RALGPS2: variants seen among roughly 807,000 people sequenced by gnomAD.
RALGPS2 encodes the protein Ral GEF with PH domain and SH3 binding motif 2.
In RALGPS2, 43 loss-of-function variants were observed where a neutral mutation model predicts 86.8. The observed-to-expected ratio is 0.50, with a 90% CI of 0.39 to 0.64. The LOEUF (loss-of-function observed/expected upper bound fraction) is 0.64, where lower values mean the gene tolerates loss of function less well. RALGPS2 is among the 30% of genes least tolerant of loss of function. The pLI, the probability that RALGPS2 is intolerant of heterozygous loss-of-function variation, is 0.00. For synonymous variants in RALGPS2, 243 were observed against 231.3 expected, an observed-to-expected ratio of 1.05 and a Z score of -0.46; for missense variants, 536 against 694.6, an observed-to-expected ratio of 0.77 and a Z score of 2.57.
rs191602367 is a variant in RALGPS2, at chr1:178,907,866, G to T, written c.1722+999G>T. Among the ~76,000 whole-genome samples, 1,302 of 152,278 alleles carry T rather than the reference G, an allele frequency of 8.6e-3. 17 individuals are homozygous for T. Among genetic ancestry groups the T allele is most frequent in the African/African-American group, 0.029 (1,205 of 41,542 alleles). The stretch of plus-strand genomic sequence containing the variant: ...AAACTAAGGCTCCATAATACAAAAT[G>T]ACCTACACAGGTCACACAAGTAAAA... On this transcript the variant is annotated intron_variant, in intron 19 of 19. Coordinates refer to ENST00000367635, the MANE Select transcript of RALGPS2 (RefSeq NM_152663.5).
intron 1 of RALGPS2, among the ~76,000 whole-genome samples, chr1:178,728,974 G>C (rs1413635239): frequency 2.0e-5 from 3 of 152,210 alleles, no homozygotes; most frequent in Non-Finnish European, 4.4e-5. Flanking sequence ...TATACATACA[G>C]TTATATGGAT....
At chr1:178,885,433 G>A in intron 12 of RALGPS2, 1 of 479,252 alleles carries the variant, frequency 2.1e-6, no homozygotes. Context: ...TTATATTTGG[G>A]GACGATAAAT....
At chr1:178,729,693 T>C (rs1650227222) in intron 1 of RALGPS2, among the ~76,000 whole-genome samples, 1 of 152,226 alleles carries the variant, frequency 6.6e-6, no homozygotes, top group African/African-American at 2.4e-5. Flanking sequence ...GGATTTGGGA[T>C]GCCCAACTGG....
intron 4 of RALGPS2, among the ~76,000 whole-genome samples, chr1:178,797,152 G>GAGATATTTT (rs1654231740): frequency 1.3e-5 from 2 of 152,122 alleles, no homozygotes; most frequent in African/African-American, 4.8e-5. Flanking sequence ...ATGTTCATAT[G>GAGATATTTT]AGATATTTTA....
At chr1:178,845,507 T>TAA (rs1419918317) in intron 8 of RALGPS2, among the ~76,000 whole-genome samples, 2 of 152,216 alleles carry the variant, frequency 1.3e-5, no homozygotes, top group Non-Finnish European at 2.9e-5. Context: ...TTTAAGGGTT[T>TAA]ATCCTTACAG....
At chr1:178,853,755 C>G (rs567965738) in intron 8 of RALGPS2, 1 of 1,601,402 alleles carries the variant, frequency 6.2e-7, no homozygotes, top group Non-Finnish European at 8.5e-7. Flanking sequence ...GAATGCCCAG[C>G]TTCTTTTGCT....
intron 17 of RALGPS2, among the ~76,000 whole-genome samples, chr1:178,900,288 TA>T (rs1437610756): frequency 1.3e-5 from 2 of 151,970 alleles, no homozygotes; most frequent in African/African-American, 4.8e-5. Flanking sequence ...ATAAAGTATA[TA>T]TTTTTTTGCC....
chr1:178,921,379 C>T lies in RALGPS2; in HGVS notation c.*5020C>T, dbSNP rs950475781. ...AGATATGACCTACTAGAACTACTCA[C>T]ATATATAGTCCAATAATTACTGACT... is the stretch of plus-strand genomic sequence containing the variant. On this transcript the variant is annotated 3_prime_UTR_variant, in exon 20 of 20. Transcript: ENST00000367635. The T allele has an allele frequency of 2.0e-5, 3 of 151,948 alleles. No homozygotes were observed. Among genetic ancestry groups the T allele is most frequent in the Admixed American group, 1.3e-4 (2 of 15,238 alleles). The allele number at this position is 151,948 out of a possible 1,614,324, so 9.4% of individuals were successfully genotyped here. A position where few individuals can be genotyped will look rare whatever the true frequency, so the allele number is the denominator to read the frequency against.
intron 8 of RALGPS2, among the ~76,000 whole-genome samples, chr1:178,857,754 T>G (rs1019416542): frequency 1.3e-5 from 2 of 152,198 alleles, no homozygotes; most frequent in Admixed American, 6.5e-5. Flanking sequence ...ACAGTTTACA[T>G]TTAAGTATAT....
At chr1:178,759,920 T>G (rs1652151766) in intron 1 of RALGPS2, among the ~76,000 whole-genome samples, 1 of 152,210 alleles carries the variant, frequency 6.6e-6, no homozygotes, top group African/African-American at 2.4e-5. Context: ...GCTACTGATT[T>G]TTGTATGTTC....
intron 1 of RALGPS2, among the ~76,000 whole-genome samples, chr1:178,740,845 C>CT (rs1650982335): frequency 6.6e-6 from 1 of 152,112 alleles, no homozygotes; most frequent in African/African-American, 2.4e-5. Context: ...AGAATTCTGG[C>CT]TTTTTTACCA....
chr1:178,821,644 T>G lies in RALGPS2; in HGVS notation c.420T>G (p.Leu140=). ...KLYELNNLHA[L]MAVVSGLQSA... is the part of the protein sequence containing the mutation. ...ATGAGCTGAATAACCTTCATGCACT[T>G]ATGGCAGTGGTTTCTGGCCTACAGA... The change falls in exon 7 of 20, where the codon CTT becomes CTG. Residue 140 remains leucine, a synonymous_variant. Coordinates refer to ENST00000367635, the MANE Select transcript of RALGPS2 (RefSeq NM_152663.5). 1.9e-6 allele frequency: 3 copies of G among 1,613,778 alleles called. No homozygotes were observed. Among genetic ancestry groups the G allele is most frequent in the African/African-American group, 1.3e-5 (1 of 75,040 alleles).
chr1:178,742,666 A>G lies in RALGPS2; in HGVS notation c.-84+17247A>G, dbSNP rs544261528. On this transcript the variant is annotated intron_variant, in intron 1 of 19. Coordinates refer to ENST00000367635, the MANE Select transcript of RALGPS2 (RefSeq NM_152663.5). The stretch of plus-strand genomic sequence containing the variant: ...TAACATATTATTCTCAGTTTACTCA[A>G]ATGTCTACAGAACATTTTTCATGAT... 1.6e-4 allele frequency among the ~76,000 whole-genome samples: 25 copies of G among 152,330 alleles called. 1 individual carries two copies. In the South Asian group the frequency reaches 3.7e-3, roughly 23 times the overall value.
intron 19 of RALGPS2, among the ~76,000 whole-genome samples, chr1:178,910,815 G>A (rs994107087): frequency 2.6e-5 from 4 of 151,952 alleles, no homozygotes; most frequent in South Asian, 2.1e-4. Flanking sequence ...TCGATTTTTC[G>A]GAATATTTTC....
chr1:178,854,458 A>T (rs1397479689), intron 8 of RALGPS2, among the ~76,000 whole-genome samples: 1 of 152,148 alleles, frequency 6.6e-6, no homozygotes, highest in African/African-American at 2.4e-5. Flanking sequence ...AAAAGCCCTG[A>T]AATAAACCAG....
At chr1:178,755,910 G>C (rs1198607702) in intron 1 of RALGPS2, among the ~76,000 whole-genome samples, 1 of 152,090 alleles carries the variant, frequency 6.6e-6, no homozygotes, top group Non-Finnish European at 1.5e-5. Context: ...TCTGATTGTG[G>C]TTTTGATTTG....
At chr1:178,860,771 T>G (rs1657948866) in intron 8 of RALGPS2, among the ~76,000 whole-genome samples, 1 of 152,174 alleles carries the variant, frequency 6.6e-6, no homozygotes, top group Admixed American at 6.5e-5. Context: ...TGTGGAGACT[T>G]TAGAATGACC....
At chr1:178,865,436 T>G (rs777536973) in intron 8 of RALGPS2, 1 of 1,614,052 alleles carries the variant, frequency 6.2e-7, no homozygotes, top group South Asian at 1.1e-5. Flanking sequence ...CTTTACCTCA[T>G]TCACAATGTT....
intron 6 of RALGPS2, among the ~76,000 whole-genome samples, chr1:178,819,555 A>G (rs914558838): frequency 6.6e-6 from 1 of 152,158 alleles, no homozygotes; most frequent in African/African-American, 2.4e-5. Flanking sequence ...TGGAAAGCTA[A>G]CCAGATTTTC....
Sources: gnomAD v4.1 joint callset for allele counts (sites outside exome capture counted in the v4.1 genomes callset) on GRCh38, gnomAD v4.1.1 for gene constraint, MANE v1.5 for transcripts, NCBI Gene and HGNC (gene_info 2026-07-23, HGNC 2026-07-21) for gene names.